Variants in EBF1 observed in about 807,000 individuals in gnomAD.
EBF1 encodes the protein transcription factor COE1.
A neutral mutation model predicts 68.4 loss-of-function variants in EBF1; 10 were observed. That is an observed-to-expected ratio of 0.15 (90% CI 0.09 to 0.25). The LOEUF (loss-of-function observed/expected upper bound fraction) is 0.25, where lower values mean the gene tolerates loss of function less well. Among genes scored for constraint, EBF1 ranks in the 10% least tolerant of loss-of-function variants. The pLI, the probability that EBF1 is intolerant of heterozygous loss-of-function variation, is 1.00. For synonymous variants in EBF1, 298 were observed against 299.8 expected, an observed-to-expected ratio of 0.99 and a Z score of 0.06; for missense variants, 509 against 794.4, an observed-to-expected ratio of 0.64 and a Z score of 4.32.
rs963011561 is a variant in EBF1 at position 158,712,431 on chromosome 5, C to T, written c.1370-98G>A. The stretch of plus-strand genomic sequence containing the variant: ...GGAAGGTCTCTGTTTCTGGCCCCGT[C>T]GCCGCAACCCAGAGGGAAGGGATTG... On this transcript the variant is annotated intron_variant, in intron 13 of 15. Coordinates refer to ENST00000313708, the MANE Select transcript of EBF1 (RefSeq NM_024007.5). 11 of 1,371,396 alleles carry T rather than the reference C, an allele frequency of 8.0e-6. No homozygotes were observed. In the East Asian group the frequency reaches 2.0e-4, roughly 25 times the overall value. The allele number at this position is 1,371,396 out of a possible 1,614,324, so 85.0% of individuals were successfully genotyped here. A position where few individuals can be genotyped will look rare whatever the true frequency, so the allele number is the denominator to read the frequency against.
chr5:158,997,704 A>T (rs1238552884), intron 6 of EBF1, among the ~76,000 whole-genome samples: 1 of 152,178 alleles, frequency 6.6e-6, no homozygotes. Context: ...AGCACATGTA[A>T]CATGTCATCC....
chr5:158,908,599 AGT>A (rs1388084140), intron 6 of EBF1, among the ~76,000 whole-genome samples: 1 of 152,218 alleles, frequency 6.6e-6, no homozygotes, highest in Non-Finnish European at 1.5e-5. Flanking sequence ...ATTCTGATCA[AGT>A]GTGTATTGTT....
At chr5:158,800,267 A>G (rs1182613008) in intron 8 of EBF1, among the ~76,000 whole-genome samples, 1 of 152,194 alleles carries the variant, frequency 6.6e-6, no homozygotes, top group Non-Finnish European at 1.5e-5. Context: ...TGATTTTTAA[A>G]TGATATATAT....
At chr5:158,713,364 G>A (rs1759890733) in intron 12 of EBF1, among the ~76,000 whole-genome samples, 1 of 152,126 alleles carries the variant, frequency 6.6e-6, no homozygotes, top group African/African-American at 2.4e-5. Flanking sequence ...CCTCACCGAA[G>A]TACACTCACC....
intron 6 of EBF1, among the ~76,000 whole-genome samples, chr5:158,896,923 T>C (rs998130250): frequency 6.6e-6 from 1 of 152,108 alleles, no homozygotes; most frequent in Non-Finnish European, 1.5e-5. Context: ...GTTTCAGAGA[T>C]GTGCCCAGTT....
At chr5:158,978,119 G>C (rs78507514) in intron 6 of EBF1, among the ~76,000 whole-genome samples, 184 of 152,344 alleles carry the variant, frequency 1.2e-3, no homozygotes, top group Non-Finnish European at 1.6e-3. Context: ...TGGCCATACA[G>C]GGGGAAAATT....
intron 6 of EBF1, among the ~76,000 whole-genome samples, chr5:158,883,662 G>A (rs113675227): frequency 7.9e-5 from 12 of 152,130 alleles, no homozygotes; most frequent in African/African-American, 2.7e-4. Context: ...AGTTAGCCCC[G>A]TTTTACAAGT....
chr5:158,975,430 T>C (rs1031274815), intron 6 of EBF1, among the ~76,000 whole-genome samples: 10 of 152,170 alleles, frequency 6.6e-5, no homozygotes, highest in East Asian at 5.8e-4. Context: ...AGTGCTAAAG[T>C]TGTGAATGCT....
chr5:158,813,019 T>C (rs1393895560), intron 8 of EBF1, among the ~76,000 whole-genome samples: 4 of 152,230 alleles, frequency 2.6e-5, no homozygotes, highest in Non-Finnish European at 5.9e-5. Flanking sequence ...CACTGTTTCC[T>C]GGTGACTTGA....
At chr5:158,970,151 C>G (rs1441630221) in intron 6 of EBF1, among the ~76,000 whole-genome samples, 1 of 152,148 alleles carries the variant, frequency 6.6e-6, no homozygotes, top group Non-Finnish European at 1.5e-5. Flanking sequence ...TTTTATCTGC[C>G]TATTCCATGC....
chr5:158,733,187 AC>A (rs1406378832), intron 10 of EBF1, among the ~76,000 whole-genome samples: 1 of 152,128 alleles, frequency 6.6e-6, no homozygotes, highest in African/African-American at 2.4e-5. Flanking sequence ...TATAATATCC[AC>A]CCCCACCCAT....
In EBF1 at chr5:158,705,500, A is replaced by G. The variant is rs563566319; in HGVS notation, c.1744+2479T>C. 9.2e-5 allele frequency among the ~76,000 whole-genome samples: 14 copies of G among 152,346 alleles called. No homozygotes were observed. The East Asian group carries it at 2.7e-3, about 29-fold the overall frequency. On this transcript the variant is annotated intron_variant, in intron 15 of 15. Coordinates refer to ENST00000313708, the MANE Select transcript of EBF1 (RefSeq NM_024007.5). ...ACAGAGAGGCACAGACTCAGCAGTT[A>G]TTCAGAGAAATGGGGACAGTCTCTG...
At chr5:158,969,905 AAAGAAAGAAAG>A (rs869277894) in intron 6 of EBF1, among the ~76,000 whole-genome samples, 14 of 105,272 alleles carry the variant, frequency 1.3e-4, no homozygotes, top group Admixed American at 6.0e-4. Flanking sequence ...AGAAAGAAAG[AAAGAAAGAAAG>A]AAAAAAAAAA....
At chr5:158,852,941 T>G (rs1793257632) in intron 6 of EBF1, among the ~76,000 whole-genome samples, 1 of 152,156 alleles carries the variant, frequency 6.6e-6, no homozygotes, top group Non-Finnish European at 1.5e-5. Flanking sequence ...TATCACAAAA[T>G]TGGTTGATCA....
At chr5:158,943,929 G>C (rs564122971) in intron 6 of EBF1, among the ~76,000 whole-genome samples, 3 of 152,124 alleles carry the variant, frequency 2.0e-5, no homozygotes, top group Admixed American at 6.5e-5. Flanking sequence ...CTTGTGCAGG[G>C]AAAGCTTTAT....
intron 7 of EBF1, among the ~76,000 whole-genome samples, chr5:158,838,898 C>T (rs2901126): frequency 6.6e-6 from 1 of 151,366 alleles, no homozygotes; most frequent in South Asian, 2.1e-4. Flanking sequence ...CTTAGCCATT[C>T]GGTGGAGAGC....
chr5:158,925,123 A>G (rs190466365), intron 6 of EBF1, among the ~76,000 whole-genome samples: 18 of 152,102 alleles, frequency 1.2e-4, no homozygotes, highest in Admixed American at 5.2e-4. Context: ...CACACCCAAA[A>G]TCAATGCATT....
intron 6 of EBF1, among the ~76,000 whole-genome samples, chr5:158,885,410 G>A (rs369448659): frequency 2.6e-5 from 4 of 152,186 alleles, no homozygotes; most frequent in African/African-American, 7.2e-5. Flanking sequence ...TCAGTAATGC[G>A]GTCAGGAGTT....
chr5:159,095,649 C>A lies in EBF1; in HGVS notation c.382G>T (p.Val128Leu). The A allele has an allele frequency of 6.2e-7, 1 of 1,613,994 alleles. No homozygotes were observed. The highest frequency in any genetic ancestry group is 8.5e-7 in the Non-Finnish European group (1 of 1,179,904). The part of the protein sequence containing the change: ...NGIRTEQDFY[V>L]RLIDSMTKQA... ...TTTGTCATGGAGTCAATGAGGCGCA[C>A]GTAGAAATCCTGCTCCGTCCTTATC... The change falls in exon 4 of 16, where the codon GTG becomes TTG. Residue 128 changes from valine to leucine, a missense_variant. Around this residue, in one of 3 missense-constraint regions of EBF1, gnomAD observed 230 missense variants for 467.7 expected, o/e 0.49. Transcript: ENST00000313708.
Sources: gnomAD v4.1 joint callset for allele counts (sites outside exome capture counted in the v4.1 genomes callset) on GRCh38, gnomAD v4.1.1 for gene constraint, gnomAD v4.1.1 regional missense constraint, MANE v1.5 for transcripts, NCBI Gene and HGNC (gene_info 2026-07-23, HGNC 2026-07-21) for gene names.